DIS3L2: variants seen among roughly 807,000 people sequenced by gnomAD.
The protein encoded by DIS3L2 is DIS3 like 3'-5' exoribonuclease 2.
Under a neutral mutation model 97.5 loss-of-function variants are expected in DIS3L2, and 34 were observed. The observed-to-expected ratio is 0.35, with a 90% CI of 0.27 to 0.46. The LOEUF (loss-of-function observed/expected upper bound fraction) is 0.46. DIS3L2 is among the 20% of genes least tolerant of loss of function. DIS3L2 has a pLI of 1.00. For missense variants in DIS3L2, 1,038 were observed against 1,146.0 expected (o/e 0.91, Z 1.36); for synonymous variants, 435 against 445.2 (o/e 0.98, Z 0.29).
intron 5 of DIS3L2, among the ~76,000 whole-genome samples, chr2:232,044,131 T>A (rs990928273): frequency 8.2e-6 from 1 of 122,282 alleles, no homozygotes; most frequent in African/African-American, 2.7e-5. Context: ...GGTGGTGGTG[T>A]CACATTGTGA....
intron 5 of DIS3L2, among the ~76,000 whole-genome samples, chr2:232,032,422 T>C (rs78619340): frequency 0.015 from 2,226 of 152,338 alleles, 23 homozygotes; most frequent in Non-Finnish European, 0.021. Context: ...GATGGATAGA[T>C]TGCAAAAATT....
intron 6 of DIS3L2, among the ~76,000 whole-genome samples, chr2:232,117,957 C>A (rs559074421): frequency 6.6e-6 from 1 of 152,330 alleles, no homozygotes; most frequent in East Asian, 1.9e-4. Flanking sequence ...CCTTCTGGGT[C>A]CCCTACTTCA....
chr2:232,327,004 A>ACCCTCT (rs1695596314), intron 14 of DIS3L2, among the ~76,000 whole-genome samples: 1 of 152,024 alleles, frequency 6.6e-6, no homozygotes, highest in South Asian at 2.1e-4. Context: ...CAGCGGCCCC[A>ACCCTCT]CCCTCTCCCT....
At chr2:232,263,482 G>C (rs368923372) in intron 13 of DIS3L2, 42 bp downstream of exon 13, 2 of 1,601,040 alleles carry the variant, frequency 1.2e-6, no homozygotes, top group Admixed American at 1.7e-5. Flanking sequence ...GATTTGACTC[G>C]TGCCTGAACC....
chr2:232,090,789 C>A (rs1696814292), intron 6 of DIS3L2, among the ~76,000 whole-genome samples: 1 of 152,172 alleles, frequency 6.6e-6, no homozygotes, highest in Admixed American at 6.5e-5. Context: ...TATTATGTTT[C>A]TTTGCCCAAA....
chr2:232,092,140 A>G (rs1696861000), intron 6 of DIS3L2, among the ~76,000 whole-genome samples: 1 of 152,166 alleles, frequency 6.6e-6, no homozygotes, highest in Non-Finnish European at 1.5e-5. Context: ...AGCACCATTT[A>G]TTGAAGAGAC....
intron 7 of DIS3L2, among the ~76,000 whole-genome samples, chr2:232,135,026 G>A (rs562716387): frequency 1.3e-4 from 20 of 152,248 alleles, no homozygotes; most frequent in Admixed American, 1.2e-3. Context: ...GAGAACAAGC[G>A]AGCTGTGTGG....
rs181992286 is a variant in DIS3L2, at chr2:232,243,255, G to A, written c.1317+4610G>A. 2.8e-3 allele frequency among the ~76,000 whole-genome samples: 429 copies of A among 152,322 alleles called. 1 individual carries two copies. The highest frequency in any genetic ancestry group is 4.7e-3 in the Non-Finnish European group (318 of 68,034). On this transcript the variant is annotated intron_variant, in intron 11 of 20. Transcript: ENST00000325385. The stretch of plus-strand genomic sequence containing the variant: ...GCATTCCAGGCAGAGGCTAGAAAAA[G>A]CAGAGAACATTCAAGGAGCAGTATG...
chr2:231,996,371 T>TAC (rs1559525701), intron 1 of DIS3L2, among the ~76,000 whole-genome samples: 1 of 152,212 alleles, frequency 6.6e-6, no homozygotes, highest in Non-Finnish European at 1.5e-5. Flanking sequence ...CTATCTTGTA[T>TAC]ACACCTAGGT....
rs895564243 is a variant in DIS3L2 at position 232,014,855 on chromosome 2, C to T, written c.-73C>T. 23 of 1,538,578 alleles carry T rather than the reference C, an allele frequency of 1.5e-5. No individual in the cohort carries two copies. Among genetic ancestry groups the T allele is most frequent in the Non-Finnish European group, 1.9e-5 (21 of 1,119,034 alleles). On this transcript the variant is annotated 5_prime_UTR_variant, in exon 2 of 21. Coordinates refer to ENST00000325385, the MANE Select transcript of DIS3L2 (RefSeq NM_152383.5). ...TTCAGCGAATGACAACAGAGCTGCTCAAGGCGGGAACTCTGAGCTAAGCAG... is the reference window on the plus strand; with the variant it reads ...TTCAGCGAATGACAACAGAGCTGCTTAAGGCGGGAACTCTGAGCTAAGCAG...
At chr2:232,339,243 G>T (rs2106360147), downstream of DIS3L2, among the ~76,000 whole-genome samples, 1 of 152,370 alleles carries the variant, frequency 6.6e-6, no homozygotes, top group Non-Finnish European at 1.5e-5. Context: ...CCCTGAGGAG[G>T]ATGTCAGGCC....
At chr2:232,342,098 G>C (rs754691557), downstream of DIS3L2, among the ~76,000 whole-genome samples, 14 of 89,944 alleles carry the variant, frequency 1.6e-4, no homozygotes, top group Admixed American at 2.5e-4. Context: ...TCAGTAGGCT[G>C]TGTGTGTGTG....
In DIS3L2 at chr2:232,118,191, G is replaced by C. The variant is rs557951565; in HGVS notation, c.602-12428G>C. Among the ~76,000 whole-genome samples, 5 of 152,228 alleles carry C rather than the reference G, an allele frequency of 3.3e-5. No homozygotes were observed. In the East Asian group the frequency reaches 9.7e-4, roughly 29 times the overall value. ...AGTCAGCTGGCACGATGGAAGTCAC[G>C]GTCTTATGGAAGCTAATCATGGAAG... On this transcript the variant is annotated intron_variant, in intron 6 of 20. Transcript: ENST00000325385.
At chr2:232,119,229 A>G (rs1000769040) in intron 6 of DIS3L2, among the ~76,000 whole-genome samples, 4 of 152,220 alleles carry the variant, frequency 2.6e-5, no homozygotes, top group African/African-American at 9.7e-5. Context: ...CTAGCTTCCC[A>G]TGCTTTGAGG....
At chr2:232,133,129 A>G (rs1411851144) in intron 7 of DIS3L2, among the ~76,000 whole-genome samples, 1 of 152,182 alleles carries the variant, frequency 6.6e-6, no homozygotes, top group African/African-American at 2.4e-5. Context: ...GCAGCCAGGT[A>G]GCACCAATAA....
At chr2:232,045,210 A>T (rs933387737) in intron 5 of DIS3L2, among the ~76,000 whole-genome samples, 6 of 152,188 alleles carry the variant, frequency 3.9e-5, no homozygotes, top group Non-Finnish European at 8.8e-5. Context: ...CTTGATGGAA[A>T]AGAGAGACTA....
At chr2:232,158,364 T>C (rs975315958) in intron 8 of DIS3L2, among the ~76,000 whole-genome samples, 2 of 151,942 alleles carry the variant, frequency 1.3e-5, no homozygotes, top group African/African-American at 4.8e-5. Context: ...CTCTGAATCT[T>C]ACTCTGTCTG....
chr2:232,212,014 G>A (rs1692204629), intron 10 of DIS3L2, among the ~76,000 whole-genome samples: 1 of 152,142 alleles, frequency 6.6e-6, no homozygotes, highest in African/African-American at 2.4e-5. Flanking sequence ...ACGAGCCACT[G>A]TGCTGAGCCT....
chr2:232,210,282 CTAT>C lies in DIS3L2; in HGVS notation c.1125-39_1125-37del, dbSNP rs755224102. 2.7e-6 allele frequency: 4 copies of C among 1,482,096 alleles called. No homozygotes were observed. In the South Asian group the frequency reaches 4.5e-5, roughly 17 times the overall value. 91.8% of individuals were successfully genotyped at this position (1,482,096 alleles called of 1,614,324 possible). A position where few individuals can be genotyped will look rare whatever the true frequency, so the allele number is the denominator to read the frequency against. On this transcript the variant is annotated intron_variant, in intron 9 of 20. Coordinates refer to ENST00000325385, the MANE Select transcript of DIS3L2 (RefSeq NM_152383.5). ...GCTGTACTATGGTGGGGTAAAGTTG[CTAT>C]TATTTGTGGCATTGCTAATTGTTTC... is the stretch of plus-strand genomic sequence containing the variant.
Sources: gnomAD v4.1 joint callset for allele counts (sites outside exome capture counted in the v4.1 genomes callset) on GRCh38, gnomAD v4.1.1 for gene constraint, MANE v1.5 for transcripts, NCBI Gene and HGNC (gene_info 2026-07-23, HGNC 2026-07-21) for gene names.